NTRK3: variants seen among roughly 807,000 people sequenced by gnomAD.
NTRK3 encodes the protein NT-3 growth factor receptor.
NTRK3 carries 24 observed loss-of-function variants against 91.7 expected under a neutral mutation model. The observed-to-expected ratio is 0.26, with a 90% confidence interval of 0.19 to 0.37. The LOEUF (loss-of-function observed/expected upper bound fraction) is 0.37, where lower values mean the gene tolerates loss of function less well. Ranked by LOEUF, NTRK3 falls within the 10% of genes least tolerant of loss-of-function variation. The pLI, the probability that NTRK3 is intolerant of heterozygous loss-of-function variation, is 1.00. For missense variants in NTRK3, 880 were observed against 1,068.9 expected (o/e 0.82, Z 2.46); for synonymous variants, 483 against 404.0 (o/e 1.20, Z -2.34).
intron 3 of NTRK3, among the ~76,000 whole-genome samples, chr15:88,215,213 A>G (rs143867196): frequency 1.6e-3 from 238 of 152,346 alleles, no homozygotes; most frequent in African/African-American, 5.4e-3. Flanking sequence ...GAGGAAAAAC[A>G]TCCCGGTTTG....
intron 13 of NTRK3, among the ~76,000 whole-genome samples, chr15:88,055,811 C>A (rs2045626089): frequency 6.6e-6 from 1 of 152,160 alleles, no homozygotes; most frequent in East Asian, 1.9e-4. Context: ...ACGGGGCAGC[C>A]TCAAGGTTTT....
At chr15:88,229,892 C>T (rs777440413) in intron 3 of NTRK3, among the ~76,000 whole-genome samples, 59 of 152,356 alleles carry the variant, frequency 3.9e-4, no homozygotes, top group Middle Eastern at 3.4e-3. Context: ...ACATTTGTTC[C>T]GGCTTGGAAA....
chr15:88,164,977 G>A (rs1329993361), intron 5 of NTRK3, among the ~76,000 whole-genome samples: 2 of 152,160 alleles, frequency 1.3e-5, no homozygotes, highest in Admixed American at 6.5e-5. Flanking sequence ...GAAGAGACAA[G>A]ATAAGAATTC....
chr15:88,184,121 C>T (rs530431195), intron 4 of NTRK3, 104 bp downstream of exon 4: 67 of 1,108,922 alleles, frequency 6.0e-5, no homozygotes, highest in South Asian at 1.1e-4. Flanking sequence ...GGAGAAAGCA[C>T]GGATGGCAGT....
chr15:88,202,121 C>G (rs1484557941), intron 3 of NTRK3, among the ~76,000 whole-genome samples: 1 of 152,182 alleles, frequency 6.6e-6, no homozygotes, highest in Admixed American at 6.5e-5. Flanking sequence ...CATTCTCCAG[C>G]TGACTACTGC....
At chr15:88,006,455 A>T (rs2076497395) in intron 14 of NTRK3, among the ~76,000 whole-genome samples, 2 of 152,164 alleles carry the variant, frequency 1.3e-5, no homozygotes, top group Admixed American at 1.3e-4. Context: ...ATTGATAGAG[A>T]TCATCATGCA....
intron 14 of NTRK3, among the ~76,000 whole-genome samples, chr15:87,945,118 G>T (rs151035261): frequency 1.3e-5 from 2 of 152,334 alleles, no homozygotes; most frequent in African/African-American, 4.8e-5. Context: ...CAGGCCGTGG[G>T]AAGACCTCCC....
chr15:87,966,541 C>T (rs1019576069), intron 14 of NTRK3, among the ~76,000 whole-genome samples: 2 of 152,148 alleles, frequency 1.3e-5, no homozygotes, highest in Non-Finnish European at 2.9e-5. Context: ...TTCCTCTAAC[C>T]GTCCCACCCT....
chr15:88,223,990 T>C (rs2050464725), intron 3 of NTRK3, among the ~76,000 whole-genome samples: 1 of 152,062 alleles, frequency 6.6e-6, no homozygotes, highest in Admixed American at 6.5e-5. Flanking sequence ...GGACACAGAG[T>C]TGGCCTCCAG....
At chr15:87,963,705 C>T (rs1389646012) in intron 14 of NTRK3, among the ~76,000 whole-genome samples, 1 of 152,128 alleles carries the variant, frequency 6.6e-6, no homozygotes, top group Non-Finnish European at 1.5e-5. Context: ...GCATTTTCAA[C>T]CTGTGATATT....
Position 88,217,845 on chromosome 15 carries a change from G to A in NTRK3, c.249-33546C>T, listed in dbSNP as rs578260134. On this transcript the variant is annotated intron_variant, in intron 3 of 18. Coordinates refer to ENST00000394480, the Ensembl canonical transcript of NTRK3. ...ACTATCTTGGCTCACTGCAAGCTCC[G>A]CCTCCCGGGTTCCCGCCATTCTCCT... 6.0e-5 allele frequency among the ~76,000 whole-genome samples: 9 copies of A among 151,240 alleles called. No homozygotes were observed. The East Asian group carries it at 1.4e-3, about 23-fold the overall frequency.
In NTRK3 at chr15:88,059,669, C is replaced by A. The variant is rs137895598; in HGVS notation, c.1397-26624G>T. 3.2e-3 allele frequency among the ~76,000 whole-genome samples: 492 copies of A among 152,298 alleles called. 5 individuals carry two copies. Among genetic ancestry groups the A allele is most frequent in the Middle Eastern group, 0.02 (6 of 294 alleles). On this transcript the variant is annotated intron_variant, in intron 13 of 18. Transcript: ENST00000394480. ...ATCGTGTGTGCAGTGAGACCTGCTT[C>A]TACCCAGAGCTATGGTCGGGGGATA...
chr15:87,912,685 G>T (rs549511096), intron 17 of NTRK3, among the ~76,000 whole-genome samples: 1 of 151,986 alleles, frequency 6.6e-6, no homozygotes, highest in South Asian at 2.1e-4. Flanking sequence ...GGGTTTGAAA[G>T]ATGACCTCCA....
intron 14 of NTRK3, among the ~76,000 whole-genome samples, chr15:88,012,715 C>T (rs2076964983): frequency 6.6e-6 from 1 of 152,192 alleles, no homozygotes; most frequent in African/African-American, 2.4e-5. Context: ...TATTGAAGCA[C>T]TTCTCAGCTT....
At chr15:87,869,828 A>C (rs374617397) in exon 19 of NTRK3, 1 of 197,012 alleles carries the variant, frequency 5.1e-6, no homozygotes. Context: ...ACATGGACAG[A>C]TCTCCAATGA....
intron 3 of NTRK3, among the ~76,000 whole-genome samples, chr15:88,232,468 G>C (rs531436128): frequency 6.6e-6 from 1 of 152,288 alleles, no homozygotes; most frequent in Admixed American, 6.5e-5. Flanking sequence ...CACTGAATTG[G>C]ACAGCCCTGG....
At chr15:87,909,922 G>C (rs1596202722) in intron 17 of NTRK3, among the ~76,000 whole-genome samples, 1 of 152,312 alleles carries the variant, frequency 6.6e-6, no homozygotes, top group African/African-American at 2.4e-5. Context: ...CCAGCCTCCA[G>C]AGCAGTGAGA....
intron 3 of NTRK3, among the ~76,000 whole-genome samples, chr15:88,184,615 C>A (rs1257023440): frequency 6.6e-6 from 1 of 152,212 alleles, no homozygotes; most frequent in Non-Finnish European, 1.5e-5. Flanking sequence ...GCTTGTCTTC[C>A]TAACTCAGTT....
intron 13 of NTRK3, among the ~76,000 whole-genome samples, chr15:88,045,189 G>C (rs548784529): frequency 1.3e-5 from 2 of 152,224 alleles, no homozygotes; most frequent in South Asian, 2.1e-4. Flanking sequence ...TTGTGGACAA[G>C]TCACAGAGCA....
Sources: gnomAD v4.1 joint callset for allele counts (sites outside exome capture counted in the v4.1 genomes callset) on GRCh38, gnomAD v4.1.1 for gene constraint, MANE v1.5 for transcripts, NCBI Gene and HGNC (gene_info 2026-07-23, HGNC 2026-07-21) for gene names.